Variants in MAF observed in about 807,000 individuals in gnomAD.
MAF encodes the protein transcription factor Maf.
Under a neutral mutation model 22.0 loss-of-function variants are expected in MAF, and 10 were observed. The ratio of observed to expected loss-of-function variants is 0.45; its 90% confidence interval spans 0.28 to 0.77. The LOEUF (loss-of-function observed/expected upper bound fraction) is 0.77, where lower values mean the gene tolerates loss of function less well. Among genes scored for constraint, MAF ranks in the 30% least tolerant of loss-of-function variants. The pLI is 0.12. For missense variants in MAF, 544 were observed against 548.4 expected, an observed-to-expected ratio of 0.99 and a Z score of 0.08; for synonymous variants, 337 against 255.8, an observed-to-expected ratio of 1.32 and a Z score of -3.03.
the MAF span, among the ~76,000 whole-genome samples, chr16:79,418,625 G>A: frequency 6.6e-6 from 1 of 152,186 alleles, no homozygotes; most frequent in Non-Finnish European, 1.5e-5. Flanking sequence ...AGCAGTTCTG[G>A]AAGTTTTTCT....
the MAF span, among the ~76,000 whole-genome samples, chr16:79,255,474 T>G: frequency 6.6e-6 from 1 of 152,142 alleles, no homozygotes; most frequent in African/African-American, 2.4e-5. Flanking sequence ...ATCTAGAAAA[T>G]CCATTCGAAA....
At chr16:79,355,664 AGTT>A in the MAF span, among the ~76,000 whole-genome samples, 2 of 152,264 alleles carry the variant, frequency 1.3e-5, no homozygotes, top group African/African-American at 4.8e-5. Flanking sequence ...TCTAAACTAA[AGTT>A]GTTTCTAGTA....
the MAF span, among the ~76,000 whole-genome samples, chr16:79,291,156 C>A: frequency 3.3e-5 from 5 of 152,126 alleles, no homozygotes; most frequent in Non-Finnish European, 7.4e-5. Context: ...GAAATGGGGC[C>A]GTCGTCTGCT....
downstream of MAF, among the ~76,000 whole-genome samples, chr16:79,590,010 C>A (rs982136923): frequency 1.3e-5 from 2 of 152,160 alleles, no homozygotes; most frequent in Non-Finnish European, 2.9e-5. Flanking sequence ...CTTCGGGACC[C>A]GCCCCCTCTG....
At chr16:79,521,682 C>T in the MAF span, among the ~76,000 whole-genome samples, 2 of 152,272 alleles carry the variant, frequency 1.3e-5, no homozygotes, top group Admixed American at 6.5e-5. Context: ...GTGCAAGAAC[C>T]TCCCACTTGC....
At chr16:79,266,924 A>G in the MAF span, among the ~76,000 whole-genome samples, 6 of 152,168 alleles carry the variant, frequency 3.9e-5, no homozygotes, top group Admixed American at 3.9e-4. Context: ...CTTTCCTTTG[A>G]TTGCAGGGAG....
the MAF span, among the ~76,000 whole-genome samples, chr16:79,532,169 C>A: frequency 3.9e-5 from 6 of 152,270 alleles, no homozygotes; most frequent in African/African-American, 1.4e-4. Context: ...CTAAGTCTGG[C>A]AAACTGACCC....
At chr16:79,540,470 A>C in the MAF span, among the ~76,000 whole-genome samples, 1 of 152,062 alleles carries the variant, frequency 6.6e-6, no homozygotes, top group Non-Finnish European at 1.5e-5. Flanking sequence ...CCACGCACCA[A>C]AAGACTCACT....
chr16:79,552,902 C>A, the MAF span, among the ~76,000 whole-genome samples: 1 of 152,232 alleles, frequency 6.6e-6, no homozygotes, highest in Non-Finnish European at 1.5e-5. Flanking sequence ...ATCTACCAGA[C>A]ACCATTTTGC....
chr16:79,211,614 G>A, the MAF span: 1 of 1,614,164 alleles, frequency 6.2e-7, no homozygotes, highest in South Asian at 1.1e-5. Flanking sequence ...CCAGCAACAG[G>A]GAGCTGCCAC....
chr16:79,290,077 T>G, the MAF span, among the ~76,000 whole-genome samples: 4 of 152,038 alleles, frequency 2.6e-5, no homozygotes, highest in African/African-American at 4.8e-5. Context: ...GGCACTGGTC[T>G]CTATCTCTTG....
Position 79,597,811 on chromosome 16 carries a change from T to A in MAF, c.1118+974A>T, listed in dbSNP as rs185063462. Reference sequence around the variant, plus strand: ...GTCCAGCATGCAGGCTTTTTTTTTTTATTAATATAATGTCTCTTTTCCATA... The same window carrying A: ...GTCCAGCATGCAGGCTTTTTTTTTTAATTAATATAATGTCTCTTTTCCATA... On this transcript the variant is annotated intron_variant, in intron 1 of 1. Coordinates refer to ENST00000326043, the MANE Select transcript of MAF (RefSeq NM_005360.5). The A allele has an allele frequency of 8.0e-5, 81 of 1,018,390 alleles. No homozygotes were observed. The East Asian group carries it at 3.8e-3, about 47-fold the overall frequency. 63.1% of individuals were successfully genotyped at this position (1,018,390 alleles called of 1,614,324 possible).
chr16:79,409,134 T>C, the MAF span, among the ~76,000 whole-genome samples: 3 of 152,080 alleles, frequency 2.0e-5, no homozygotes, highest in African/African-American at 7.2e-5. Context: ...CAGGTTCTCC[T>C]CCTCACTCTC....
At chr16:79,583,754 C>A (rs1419498957), downstream of MAF, among the ~76,000 whole-genome samples, 4 of 152,240 alleles carry the variant, frequency 2.6e-5, no homozygotes, top group Middle Eastern at 3.4e-3. Context: ...TCAAAAGCCA[C>A]CTTTAGCGCG....
the MAF span, among the ~76,000 whole-genome samples, chr16:79,425,944 C>T: frequency 7.2e-5 from 11 of 152,294 alleles, no homozygotes; most frequent in East Asian, 1.9e-4. Flanking sequence ...TGGTGGCTCA[C>T]GCCTGTAATC....
chr16:79,424,876 T>C, the MAF span, among the ~76,000 whole-genome samples: 1 of 152,316 alleles, frequency 6.6e-6, no homozygotes, highest in Admixed American at 6.5e-5. Flanking sequence ...TCCCAATATC[T>C]ACATATTTTC....
chr16:79,595,259 T>C (rs930458621), intron 1 of MAF: 4 of 1,046,052 alleles, frequency 3.8e-6, no homozygotes, highest in Middle Eastern at 4.3e-4. Context: ...AACTAGCACA[T>C]AAAGGAAGGT....
At chr16:79,501,097 G>A in the MAF span, among the ~76,000 whole-genome samples, 1 of 152,146 alleles carries the variant, frequency 6.6e-6, no homozygotes, top group African/African-American at 2.4e-5. Flanking sequence ...AGTTCTAGAA[G>A]TCCTAAATCA....
the MAF span, among the ~76,000 whole-genome samples, chr16:79,272,681 G>A: frequency 6.6e-6 from 1 of 152,222 alleles, no homozygotes; most frequent in Non-Finnish European, 1.5e-5. Flanking sequence ...CTGAGTTAAA[G>A]CCATTCATTC....
Sources: allele counts gnomAD v4.1 joint callset (sites outside exome capture counted in the v4.1 genomes callset), GRCh38; gene constraint gnomAD v4.1.1; transcripts MANE v1.5; gene names NCBI Gene and HGNC (gene_info 2026-07-23, HGNC 2026-07-21).